Variants in JARID2 observed in about 807,000 individuals in gnomAD.
The protein encoded by JARID2 is jumonji and AT-rich interaction domain containing 2.
In JARID2, 21 loss-of-function variants were observed where a neutral mutation model predicts 125.6. That is an observed-to-expected ratio of 0.17 (90% confidence interval 0.12 to 0.24). JARID2 has a LOEUF of 0.24. Ranked by LOEUF, JARID2 falls within the 10% of genes least tolerant of loss-of-function variation. The pLI, the probability that JARID2 is intolerant of heterozygous loss-of-function variation, is 1.00. For synonymous variants in JARID2, 736 were observed against 661.6 expected, an observed-to-expected ratio of 1.11 and a Z score of -1.73; for missense variants, 1,303 against 1,639.6, an observed-to-expected ratio of 0.79 and a Z score of 3.55.
At position 15,465,482 on chromosome 6, in the gene JARID2, A is replaced by G. The variant is rs186939919; in HGVS notation, c.494-3060A>G. 7.0e-4 allele frequency among the ~76,000 whole-genome samples: 106 copies of G among 151,590 alleles called. 1 individual carries two copies. Among genetic ancestry groups the G allele is most frequent in the African/African-American group, 2.4e-3 (101 of 41,490 alleles). ...TATCTTATCCTTTGTAGATATCAACAAAGTCTGGATGCTGAACTGAGCGTC... is the reference window on the plus strand; with the variant it reads ...TATCTTATCCTTTGTAGATATCAACGAAGTCTGGATGCTGAACTGAGCGTC... On this transcript the variant is annotated intron_variant, in intron 4 of 17. Transcript: ENST00000341776.
At chr6:15,493,078 C>G (rs373759451) in intron 6 of JARID2, among the ~76,000 whole-genome samples, 1 of 151,988 alleles carries the variant, frequency 6.6e-6, no homozygotes, top group East Asian at 1.9e-4. Context: ...ATTTACTTCC[C>G]TGTAGCATTG....
intron 1 of JARID2, among the ~76,000 whole-genome samples, chr6:15,325,123 TC>T (rs1171766132): frequency 6.6e-6 from 1 of 152,164 alleles, no homozygotes; most frequent in Non-Finnish European, 1.5e-5. Context: ...CACCTTTACT[TC>T]CTCTTCAAAC....
intron 1 of JARID2, among the ~76,000 whole-genome samples, chr6:15,341,122 G>A (rs1763056860): frequency 6.6e-6 from 1 of 152,162 alleles, no homozygotes; most frequent in South Asian, 2.1e-4. Flanking sequence ...TATTTTCACT[G>A]TTACATAAAA....
At chr6:15,412,830 C>G (rs1765939964) in intron 3 of JARID2, among the ~76,000 whole-genome samples, 1 of 151,848 alleles carries the variant, frequency 6.6e-6, no homozygotes, top group African/African-American at 2.4e-5. Context: ...TACAGAATGC[C>G]TTTTCTAATA....
At chr6:15,362,900 G>C (rs1763850732) in intron 1 of JARID2, among the ~76,000 whole-genome samples, 1 of 152,138 alleles carries the variant, frequency 6.6e-6, no homozygotes, top group African/African-American at 2.4e-5. Flanking sequence ...GAAAGCAAAT[G>C]TCAACAATGA....
intron 7 of JARID2, among the ~76,000 whole-genome samples, chr6:15,499,098 C>T (rs199510203): frequency 8.6e-5 from 13 of 151,728 alleles, no homozygotes; most frequent in South Asian, 2.1e-4. Flanking sequence ...TGCTTGTTGC[C>T]GTCACCCAGA....
At chr6:15,253,762 C>T (rs186559805) in intron 1 of JARID2, among the ~76,000 whole-genome samples, 18 of 152,226 alleles carry the variant, frequency 1.2e-4, no homozygotes, top group Admixed American at 1.3e-4. Context: ...CTCCAGATGA[C>T]GACACAACAC....
At chr6:15,289,192 A>G (rs1261453177) in intron 1 of JARID2, among the ~76,000 whole-genome samples, 1 of 152,188 alleles carries the variant, frequency 6.6e-6, no homozygotes, top group Non-Finnish European at 1.5e-5. Context: ...GCATCGAGGG[A>G]CACAAGAATA....
chr6:15,416,471 C>T (rs375461893), intron 3 of JARID2, among the ~76,000 whole-genome samples: 3 of 152,130 alleles, frequency 2.0e-5, no homozygotes, highest in Non-Finnish European at 2.9e-5. Context: ...GGATCACTCG[C>T]GGTTAGGAGC....
At chr6:15,253,206 C>G (rs1759524213) in intron 1 of JARID2, among the ~76,000 whole-genome samples, 2 of 151,980 alleles carry the variant, frequency 1.3e-5, no homozygotes, top group South Asian at 4.2e-4. Context: ...TGGGACTAAC[C>G]AGCGTGTGCC....
At chr6:15,255,734 G>A (rs1397391714) in intron 1 of JARID2, among the ~76,000 whole-genome samples, 1 of 152,204 alleles carries the variant, frequency 6.6e-6, no homozygotes, top group East Asian at 1.9e-4. Context: ...TTAGGGCTGA[G>A]CATGTGTTTC....
chr6:15,487,650 C>G lies in JARID2; in HGVS notation c.906+108C>G, dbSNP rs754065450. On this transcript the variant is annotated intron_variant, in intron 6 of 17. Transcript: ENST00000341776. ...AGGGCTCAAGAAGCAGGAGGTGATG[C>G]CCAGAAGCAAGACAGGGACAGACAG... is the stretch of plus-strand genomic sequence containing the variant. The G allele has an allele frequency of 4.4e-4, 437 of 991,170 alleles. 2 individuals carry two copies. Among genetic ancestry groups the G allele is most frequent in the Non-Finnish European group, 5.7e-4 (388 of 678,732 alleles). 61.4% of individuals were successfully genotyped at this position (991,170 alleles called of 1,614,324 possible).
At chr6:15,283,798 T>C (rs962187477) in intron 1 of JARID2, among the ~76,000 whole-genome samples, 4 of 150,006 alleles carry the variant, frequency 2.7e-5, no homozygotes, top group Admixed American at 6.7e-5. Context: ...CTCCACCTCC[T>C]GGGTTCATGC....
intron 5 of JARID2, among the ~76,000 whole-genome samples, chr6:15,486,463 T>C (rs1244676032): frequency 6.6e-6 from 1 of 152,246 alleles, no homozygotes; most frequent in Non-Finnish European, 1.5e-5. Flanking sequence ...GCAGGCTGAC[T>C]TCATGTGCCA....
chr6:15,472,709 G>A (rs1204087801), intron 5 of JARID2, among the ~76,000 whole-genome samples: 1 of 152,142 alleles, frequency 6.6e-6, no homozygotes, highest in Non-Finnish European at 1.5e-5. Context: ...ATTTAGATCT[G>A]TCCAGACTGC....
intron 2 of JARID2, among the ~76,000 whole-genome samples, chr6:15,409,461 G>A (rs1211185286): frequency 6.6e-6 from 1 of 152,206 alleles, no homozygotes; most frequent in Non-Finnish European, 1.5e-5. Context: ...ATTGATGTAA[G>A]GGACTCTGAG....
In JARID2 at chr6:15,520,296, T is replaced by A; in HGVS notation, c.*45T>A. ...CGATTTATATATATTTTTTTGTAAT[T>A]ATTATATTCTAGTTTGGAGTACTTG... is the stretch of plus-strand genomic sequence containing the variant. On this transcript the variant is annotated 3_prime_UTR_variant, in exon 18 of 18. Transcript: ENST00000341776. 2.1e-6 allele frequency: 3 copies of A among 1,419,244 alleles called. No individual in the cohort carries two copies. The highest frequency in any genetic ancestry group is 2.8e-6 in the Non-Finnish European group (3 of 1,062,976). The allele number at this position is 1,419,244 out of a possible 1,614,324, so 87.9% of individuals were successfully genotyped here.
In JARID2 at chr6:15,511,912, C is replaced by T. The variant is rs555771969; in HGVS notation, c.2953-296C>T. Among the ~76,000 whole-genome samples, 10 of 152,290 alleles carry T rather than the reference C, an allele frequency of 6.6e-5. 1 individual carries two copies. The highest frequency in any genetic ancestry group is 2.6e-4 in the Admixed American group (4 of 15,306). ...GCCTACTTGGCTCTGGAGATGAGCC[C>T]GGCAGCCTCCTGGTTGTGTAACCTT... On this transcript the variant is annotated intron_variant, in intron 13 of 17. Transcript: ENST00000341776.
intron 6 of JARID2, among the ~76,000 whole-genome samples, chr6:15,489,931 A>G (rs376325949): frequency 6.6e-6 from 1 of 152,184 alleles, no homozygotes; most frequent in African/African-American, 2.4e-5. Flanking sequence ...GGGTTGACCC[A>G]TGGCTCCAGA....
Sources: gnomAD v4.1 joint callset for allele counts (sites outside exome capture counted in the v4.1 genomes callset) on GRCh38, gnomAD v4.1.1 for gene constraint, MANE v1.5 for transcripts, NCBI Gene and HGNC (gene_info 2026-07-23, HGNC 2026-07-21) for gene names.